OSBPL10: variants seen among roughly 807,000 people sequenced by gnomAD.
OSBPL10 encodes oxysterol binding protein like 10.
In OSBPL10, 49 loss-of-function variants were observed where a neutral mutation model predicts 81.7. The observed-to-expected ratio is 0.60, with a 90% CI of 0.48 to 0.76. The LOEUF (loss-of-function observed/expected upper bound fraction) is 0.76, where lower values mean the gene tolerates loss of function less well. Among genes scored for constraint, OSBPL10 ranks in the 30% least tolerant of loss-of-function variants. The pLI is 0.00. For synonymous variants in OSBPL10, 419 were observed against 383.6 expected, an observed-to-expected ratio of 1.09 and a Z score of -1.08; for missense variants, 923 against 987.8, an observed-to-expected ratio of 0.93 and a Z score of 0.88.
At chr3:31,676,359 G>GT (rs1464811928) in intron 8 of OSBPL10, among the ~76,000 whole-genome samples, 2 of 149,002 alleles carry the variant, frequency 1.3e-5, no homozygotes, top group African/African-American at 4.9e-5. Context: ...ACAAATATAA[G>GT]TTACTTCTTC....
intron 1 of OSBPL10, among the ~76,000 whole-genome samples, chr3:31,948,002 G>A (rs1262128896): frequency 6.6e-6 from 1 of 152,204 alleles, no homozygotes; most frequent in East Asian, 1.9e-4. Context: ...ACTAAGTGAT[G>A]TCAGTCACTG....
chr3:31,937,713 CTCT>C (rs1044506830), intron 1 of OSBPL10, among the ~76,000 whole-genome samples: 3 of 152,138 alleles, frequency 2.0e-5, no homozygotes, highest in Admixed American at 2.0e-4. Flanking sequence ...CCCCCAACCT[CTCT>C]TCTTATCTTG....
intron 1 of OSBPL10, among the ~76,000 whole-genome samples, chr3:31,979,139 C>T (rs1360149213): frequency 7.2e-5 from 11 of 152,148 alleles, no homozygotes; most frequent in Non-Finnish European, 1.5e-4. Context: ...ACATAATTAC[C>T]AAGAACTGAA....
chr3:31,989,233 A>G (rs1698987618), intron 2 of OSBPL10: 3 of 1,614,106 alleles, frequency 1.9e-6, no homozygotes, highest in South Asian at 2.2e-5. Flanking sequence ...ATACAGGGCC[A>G]TGATGTTGGA....
intron 1 of OSBPL10, among the ~76,000 whole-genome samples, chr3:31,923,414 G>A (rs571981171): frequency 6.6e-6 from 1 of 152,276 alleles, no homozygotes; most frequent in Non-Finnish European, 1.5e-5. Context: ...AGGCACCAGA[G>A]GATCGTAACG....
At chr3:31,992,693 C>T (rs992881289) in intron 2 of OSBPL10, among the ~76,000 whole-genome samples, 6 of 152,070 alleles carry the variant, frequency 3.9e-5, no homozygotes, top group Admixed American at 3.3e-4. Flanking sequence ...CATCTATATG[C>T]AAAAAACAAA....
intron 1 of OSBPL10, among the ~76,000 whole-genome samples, chr3:32,072,804 T>C (rs1228056488): frequency 6.6e-6 from 1 of 152,148 alleles, no homozygotes; most frequent in East Asian, 1.9e-4. Context: ...TTTCACTGGA[T>C]AGGTAGAGGC....
chr3:31,835,114 T>C (rs1224300013), intron 3 of OSBPL10, among the ~76,000 whole-genome samples: 6 of 152,190 alleles, frequency 3.9e-5, no homozygotes, highest in African/African-American at 1.4e-4. Context: ...TGGTCCTTGG[T>C]ATCTTAAGTA....
intron 4 of OSBPL10, among the ~76,000 whole-genome samples, chr3:31,808,252 G>A (rs1395545011): frequency 1.3e-5 from 2 of 152,172 alleles, no homozygotes; most frequent in Non-Finnish European, 2.9e-5. Flanking sequence ...GAGAAAGGAC[G>A]AGGCAAGCGC....
intron 8 of OSBPL10, among the ~76,000 whole-genome samples, chr3:31,680,698 C>T (rs1042648746): frequency 6.6e-6 from 1 of 152,182 alleles, no homozygotes; most frequent in Non-Finnish European, 1.5e-5. Context: ...TGGAAGAACA[C>T]CAACCTTGCC....
chr3:31,981,314 C>T (rs146941404), upstream of OSBPL10: 316 of 1,261,644 alleles, frequency 2.5e-4, 1 homozygote, highest in East Asian at 0.01. This position sits in a 1 kb window ranked among gnomAD's most constrained non-coding sequence, Gnocchi z 4.5. Flanking sequence ...CTGACTCATA[C>T]AGGAGGAAGA....
intron 7 of OSBPL10, among the ~76,000 whole-genome samples, chr3:31,694,475 AT>A (rs1226774674): frequency 1.3e-5 from 2 of 149,556 alleles, no homozygotes; most frequent in Non-Finnish European, 3.0e-5. Flanking sequence ...TTTTAAAATT[AT>A]TTTAATTTTT....
chr3:31,867,074 T>C (rs1701197853), intron 3 of OSBPL10, among the ~76,000 whole-genome samples: 1 of 152,192 alleles, frequency 6.6e-6, no homozygotes, highest in South Asian at 2.1e-4. Context: ...GCCCTAACCA[T>C]ATGCCAATCT....
chr3:31,879,599 G>T, intron 2 of OSBPL10, 56 bp downstream of exon 2: 1 of 1,525,190 alleles, frequency 6.6e-7, no homozygotes, highest in Non-Finnish European at 8.9e-7. Context: ...AAACAAGAGA[G>T]CCATCACCAT....
chr3:31,929,886 C>T (rs1697187835), intron 1 of OSBPL10, among the ~76,000 whole-genome samples: 1 of 151,516 alleles, frequency 6.6e-6, no homozygotes, highest in African/African-American at 2.4e-5. Context: ...GTAATCCCAG[C>T]TACACAGGAC....
At chr3:31,721,222 C>T (rs938658281) in intron 6 of OSBPL10, among the ~76,000 whole-genome samples, 5 of 152,194 alleles carry the variant, frequency 3.3e-5, no homozygotes, top group East Asian at 1.9e-4. Flanking sequence ...TACCCTAGAG[C>T]GTTCAGAAAG....
intron 2 of OSBPL10, among the ~76,000 whole-genome samples, chr3:32,027,702 C>T (rs1280932381): frequency 6.6e-6 from 1 of 152,098 alleles, no homozygotes; most frequent in African/African-American, 2.4e-5. Flanking sequence ...TATGAATAGC[C>T]ACTACAGACT....
chr3:31,991,756 A>C (rs11718700), intron 2 of OSBPL10: 52,901 of 153,330 alleles, frequency 0.35, 12,798 homozygotes, highest in African/African-American at 0.68. Context: ...ACCCTGAAAC[A>C]TGCCATTTTT....
chr3:32,037,372 A>G (rs1256009095), intron 2 of OSBPL10, among the ~76,000 whole-genome samples: 1 of 152,192 alleles, frequency 6.6e-6, no homozygotes, highest in African/African-American at 2.4e-5. Flanking sequence ...ACTAAGGGCC[A>G]GGTGTGGTGG....
Sources: gnomAD v4.1 joint callset for allele counts (sites outside exome capture counted in the v4.1 genomes callset) on GRCh38, gnomAD v4.1.1 for gene constraint, Gnocchi (gnomAD v3.1) non-coding constraint, MANE v1.5 for transcripts, NCBI Gene and HGNC (gene_info 2026-07-23, HGNC 2026-07-21) for gene names.